The following ETHE1 variants were observed in gnomAD, a reference collection of about 807,000 sequenced individuals.
ETHE1 encodes the protein persulfide dioxygenase ETHE1, mitochondrial.
A neutral mutation model predicts 25.7 loss-of-function variants in ETHE1; 16 were observed. That is an observed-to-expected ratio of 0.62 (90% CI 0.42 to 0.95). The LOEUF is 0.95. ETHE1 is among the 40% of genes least tolerant of loss of function. ETHE1 has a pLI of 0.00. For missense variants in ETHE1, 300 were observed against 333.6 expected, an observed-to-expected ratio of 0.90 and a Z score of 0.79; for synonymous variants, 139 against 135.9, an observed-to-expected ratio of 1.02 and a Z score of -0.16.
chr19:43,526,623 G>A lies in ETHE1; in HGVS notation c.118C>T (p.Leu40=). 2 of 1,614,114 alleles carry A rather than the reference G, an allele frequency of 1.2e-6. No individual in the cohort carries two copies. The highest frequency in any genetic ancestry group is 1.7e-6 in the Non-Finnish European group (2 of 1,180,022). ...EPVSCTFTYL[L]GDRESREAVL... is the part of the protein sequence containing the mutation. Reference sequence around the variant, plus strand: ...GCCTCCCGGGACTCTCTGTCACCCAGCAGGTACGTGAAGGTGCAGCTCACA... The same window carrying A: ...GCCTCCCGGGACTCTCTGTCACCCAACAGGTACGTGAAGGTGCAGCTCACA... Residue 40 remains leucine, a synonymous_variant, in exon 2 of 7, where the codon CTG becomes TTG. Coordinates refer to ENST00000292147, the MANE Select transcript of ETHE1 (RefSeq NM_014297.5).
intron 2 of ETHE1, 63 bp downstream of exon 2, chr19:43,526,452 C>G: frequency 1.9e-6 from 3 of 1,602,244 alleles, no homozygotes; most frequent in Non-Finnish European, 2.6e-6. Flanking sequence ...GCCCCAGCTT[C>G]CCATTCCACT....
chr19:43,523,439 C>T (rs560297732), intron 3 of ETHE1, among the ~76,000 whole-genome samples: 2 of 151,900 alleles, frequency 1.3e-5, no homozygotes, highest in Non-Finnish European at 2.9e-5. Context: ...CACCATACCG[C>T]TTAATTTTTG....
intron 3 of ETHE1, among the ~76,000 whole-genome samples, chr19:43,521,405 C>G (rs888867717): frequency 6.6e-6 from 1 of 152,126 alleles, no homozygotes; most frequent in African/African-American, 2.4e-5. Context: ...CTGCTGTGTA[C>G]TTTGTCCCCT....
At chr19:43,509,704 G>A (rs1165180388) in intron 4 of ETHE1, among the ~76,000 whole-genome samples, 1 of 151,952 alleles carries the variant, frequency 6.6e-6, no homozygotes, top group Admixed American at 6.6e-5. Flanking sequence ...GCTGAGGCAG[G>A]AGAATGGCGT....
intron 3 of ETHE1, among the ~76,000 whole-genome samples, chr19:43,518,220 C>T (rs967438557): frequency 2.6e-5 from 4 of 151,694 alleles, no homozygotes; most frequent in Non-Finnish European, 4.4e-5. Context: ...ATCCTGGTTC[C>T]TAAAAACAGC....
At chr19:43,513,768 C>G (rs552314308) in intron 3 of ETHE1, among the ~76,000 whole-genome samples, 1 of 149,682 alleles carries the variant, frequency 6.7e-6, no homozygotes, top group South Asian at 2.1e-4. Flanking sequence ...GTCACCCAGG[C>G]TGGGATGGAG....
At chr19:43,524,681 G>A (rs62115747) in intron 3 of ETHE1, among the ~76,000 whole-genome samples, 2,116 of 152,166 alleles carry the variant, frequency 0.014, 26 homozygotes, top group Middle Eastern at 0.027. Flanking sequence ...GCAGGTGCTT[G>A]TAGTCCCAGC....
Position 43,527,190 on chromosome 19 carries a change from G to T in ETHE1, c.-13C>A. ...CAGCCTCCGCCATCGCGCCCACTGC[G>T]GGGTCAGGAATGAGCGGAGGCCGAG... On this transcript the variant is annotated 5_prime_UTR_variant, in exon 1 of 7. Coordinates refer to ENST00000292147, the MANE Select transcript of ETHE1 (RefSeq NM_014297.5). 1 of 1,536,286 alleles carries T rather than the reference G, an allele frequency of 6.5e-7. No homozygotes were observed. Among genetic ancestry groups the T allele is most frequent in the Non-Finnish European group, 8.7e-7 (1 of 1,146,232 alleles).
intron 1 of ETHE1, 102 bp downstream of exon 1, chr19:43,526,995 G>C (rs947744572): frequency 6.5e-7 from 1 of 1,534,692 alleles, no homozygotes; most frequent in South Asian, 1.2e-5. Context: ...CAAGATGCAG[G>C]CGTGGGTCCC....
In ETHE1 at chr19:43,522,327, C is replaced by T. The variant is rs150709932; in HGVS notation, c.375+3874G>A. Reference sequence around the variant, plus strand: ...ATAGTCCCAGCTACTCAGGAGGCTGCGGTAGGAGGATCACTTGAGCCCAGG... The same window carrying T: ...ATAGTCCCAGCTACTCAGGAGGCTGTGGTAGGAGGATCACTTGAGCCCAGG... On this transcript the variant is annotated intron_variant, in intron 3 of 6. Transcript: ENST00000292147. Among the ~76,000 whole-genome samples, 105 of 151,804 alleles carry T rather than the reference C, an allele frequency of 6.9e-4. 1 individual carries two copies. The East Asian group carries it at 0.019, about 27-fold the overall frequency.
intron 3 of ETHE1, among the ~76,000 whole-genome samples, chr19:43,523,520 G>A (rs1025143981): frequency 2.6e-5 from 4 of 151,242 alleles, no homozygotes; most frequent in East Asian, 3.9e-4. Context: ...CAAGTGATCC[G>A]CCCACCTCAG....
chr19:43,509,396 C>T (rs1971860792), intron 4 of ETHE1, among the ~76,000 whole-genome samples: 1 of 151,706 alleles, frequency 6.6e-6, no homozygotes, highest in African/African-American at 2.4e-5. Flanking sequence ...ATTTGGGAGG[C>T]TGAGGCAGGA....
intron 3 of ETHE1, among the ~76,000 whole-genome samples, chr19:43,512,744 G>GA (rs199844755): frequency 1.1e-4 from 9 of 79,878 alleles, no homozygotes; most frequent in East Asian, 4.3e-4. Context: ...CAATGTGATA[G>GA]AAAAAAAAAC....
chr19:43,523,046 A>G (rs1972166809), intron 3 of ETHE1, among the ~76,000 whole-genome samples: 1 of 152,242 alleles, frequency 6.6e-6, no homozygotes, highest in Non-Finnish European at 1.5e-5. Flanking sequence ...ACAAAAGAGT[A>G]CACTGTATAA....
At chr19:43,512,806 G>A (rs984844086) in intron 3 of ETHE1, among the ~76,000 whole-genome samples, 3 of 152,160 alleles carry the variant, frequency 2.0e-5, no homozygotes, top group Non-Finnish European at 2.9e-5. Context: ...TATAAGTAAC[G>A]AGGAGCCAAA....
chr19:43,521,083 T>A (rs2599455), intron 3 of ETHE1, among the ~76,000 whole-genome samples: 110,498 of 152,088 alleles, frequency 0.73, 40,638 homozygotes, highest in African/African-American at 0.86. Context: ...CTGTAATCCC[T>A]GCATTTTGGG....
rs1225163447 is a variant in ETHE1 at position 43,507,976 on chromosome 19, C to T, written c.680G>A (p.Gly227Asp). ...LSCEEFVKIM[G>D]NLNLPKPQQI... Reference sequence around the variant, plus strand: ...CTGAGGTTTAGGCAAGTTCAGGTTGCCCATGATTTTGACAAACTCCTCACA... The same window carrying T: ...CTGAGGTTTAGGCAAGTTCAGGTTGTCCATGATTTTGACAAACTCCTCACA... Residue 227 changes from glycine to aspartate, a missense_variant, in exon 6 of 7, where the codon GGC becomes GAC. Coordinates refer to ENST00000292147, the MANE Select transcript of ETHE1 (RefSeq NM_014297.5). 2.5e-6 allele frequency: 4 copies of T among 1,614,036 alleles called. No individual in the cohort carries two copies. The highest frequency in any genetic ancestry group is 2.2e-5 in the East Asian group (1 of 44,900).
chr19:43,517,262 G>A (rs566727842), intron 3 of ETHE1, among the ~76,000 whole-genome samples: 7 of 148,642 alleles, frequency 4.7e-5, no homozygotes, highest in Admixed American at 2.0e-4. Flanking sequence ...TGTGTTAGAT[G>A]AGTTTGCCCA....
rs878943800 is a variant in ETHE1 at position 43,506,837 on chromosome 19, G to T, written c.*13C>A. The T allele has an allele frequency of 4.3e-6, 7 of 1,611,794 alleles. No homozygotes were observed. The South Asian group carries it at 7.7e-5, about 18-fold the overall frequency. ...GCATTAATAGTGGATGGGAGCATCT[G>T]ACAGAAGTGAGATCAGGCAGTGGGT... On this transcript the variant is annotated 3_prime_UTR_variant, in exon 7 of 7. Coordinates refer to ENST00000292147, the MANE Select transcript of ETHE1 (RefSeq NM_014297.5).
Sources: allele counts gnomAD v4.1 joint callset (sites outside exome capture counted in the v4.1 genomes callset), GRCh38; gene constraint gnomAD v4.1.1; transcripts MANE v1.5; gene names NCBI Gene and HGNC (gene_info 2026-07-23, HGNC 2026-07-21).